CDH10: variants seen among roughly 807,000 people sequenced by gnomAD.
The protein encoded by CDH10 is cadherin-10.
In CDH10, 30 loss-of-function variants were observed where a neutral mutation model predicts 73.1. That is an observed-to-expected ratio of 0.41 (90% CI 0.31 to 0.56). The LOEUF is 0.56. Ranked by LOEUF, CDH10 falls within the 20% of genes least tolerant of loss-of-function variation. CDH10 has a pLI of 0.27. For synonymous variants in CDH10, 345 were observed against 348.2 expected (o/e 0.99, Z 0.10); for missense variants, 815 against 973.7 (o/e 0.84, Z 2.17).
intron 7 of CDH10, among the ~76,000 whole-genome samples, chr5:24,508,710 G>T (rs963101490): frequency 6.7e-6 from 1 of 148,740 alleles, no homozygotes; most frequent in Non-Finnish European, 1.5e-5. Context: ...ATAGAGACAG[G>T]GTCTCAGTAT....
intron 9 of CDH10, among the ~76,000 whole-genome samples, chr5:24,496,872 G>A (rs1406957036): frequency 6.6e-6 from 1 of 152,082 alleles, no homozygotes; most frequent in African/African-American, 2.4e-5. Flanking sequence ...TAGTTTAACC[G>A]AGGCATTTTT....
chr5:24,528,613 C>T (rs141684668), intron 5 of CDH10, among the ~76,000 whole-genome samples: 121 of 152,066 alleles, frequency 8.0e-4, no homozygotes, highest in African/African-American at 2.7e-3. Flanking sequence ...AGAGGTCAGT[C>T]GTGTTTGGTC....
intron 2 of CDH10, among the ~76,000 whole-genome samples, chr5:24,573,359 G>A (rs1443172387): frequency 6.6e-6 from 1 of 152,030 alleles, no homozygotes; most frequent in Non-Finnish European, 1.5e-5. Flanking sequence ...ATGAAGCAAT[G>A]AAGGGAGTTG....
At chr5:24,551,412 T>C (rs1744540016) in intron 2 of CDH10, among the ~76,000 whole-genome samples, 1 of 152,172 alleles carries the variant, frequency 6.6e-6, no homozygotes. Context: ...AAGTTTGAGG[T>C]ATTTTTTTAA....
rs1035102075 is a variant in CDH10 at position 24,540,890 on chromosome 5, C to T, written c.232-3216G>A. 4.0e-5 allele frequency among the ~76,000 whole-genome samples: 6 copies of T among 151,796 alleles called. No homozygotes were observed. In the East Asian group the frequency reaches 5.8e-4, roughly 15 times the overall value. On this transcript the variant is annotated intron_variant, in intron 2 of 11. Coordinates refer to ENST00000264463, the MANE Select transcript of CDH10 (RefSeq NM_006727.5). ...GATACATGGACAAGTAAAGAAACTA[C>T]AAGAGATATTCACTGTAATAATGAG... is the stretch of plus-strand genomic sequence containing the variant.
chr5:24,586,227 T>C (rs1745989064), intron 2 of CDH10, among the ~76,000 whole-genome samples: 1 of 152,196 alleles, frequency 6.6e-6, no homozygotes, highest in South Asian at 2.1e-4. Context: ...ATGTAATCTA[T>C]AAATGCATAG....
At chr5:24,626,035 C>A (rs988008893) in intron 1 of CDH10, among the ~76,000 whole-genome samples, 4 of 151,854 alleles carry the variant, frequency 2.6e-5, no homozygotes, top group Non-Finnish European at 4.4e-5. Context: ...TAAATTAAGC[C>A]TAAAAGCTTA....
At chr5:24,490,674 G>T (rs1401108896) in intron 11 of CDH10, among the ~76,000 whole-genome samples, 2 of 152,052 alleles carry the variant, frequency 1.3e-5, no homozygotes, top group African/African-American at 4.8e-5. Context: ...CATTTTTGTT[G>T]TTGTTGCAGG....
At chr5:24,571,900 A>G (rs1163838283) in intron 2 of CDH10, among the ~76,000 whole-genome samples, 3 of 151,956 alleles carry the variant, frequency 2.0e-5, no homozygotes, top group East Asian at 3.9e-4. Context: ...GGCTCTTGCA[A>G]GTAAGCATGA....
At chr5:24,508,745 C>T (rs1205328918) in intron 7 of CDH10, among the ~76,000 whole-genome samples, 1 of 151,300 alleles carries the variant, frequency 6.6e-6, no homozygotes, top group Non-Finnish European at 1.5e-5. Context: ...TTTCGAACCC[C>T]TGAGCTTAAG....
intron 1 of CDH10, among the ~76,000 whole-genome samples, chr5:24,628,413 T>C (rs188406244): frequency 1.6e-3 from 239 of 152,262 alleles, no homozygotes; most frequent in African/African-American, 5.5e-3. Flanking sequence ...TAATTCAATA[T>C]ACATATGAAT....
chr5:24,592,160 A>G (rs1186134769), intron 2 of CDH10, among the ~76,000 whole-genome samples: 5 of 151,838 alleles, frequency 3.3e-5, no homozygotes, highest in African/African-American at 1.2e-4. Context: ...ATATTTTAAA[A>G]GGTCTGAAAT....
In CDH10 at chr5:24,488,153, ACTTG is replaced by A; in HGVS notation, c.1877-4_1877-1del. The A allele has an allele frequency of 1.3e-6, 2 of 1,594,172 alleles. No individual in the cohort carries two copies. Among genetic ancestry groups the A allele is most frequent in the Admixed American group, 1.8e-5 (1 of 55,332 alleles). ...CAGAGCTGCAAACAGTACTACTATA[ACTTG>A]AAAAAAGACAAGAAGATACATTAGA... On this transcript the variant is annotated splice_acceptor_variant and splice_polypyrimidine_tract_variant and intron_variant, in intron 11 of 11. Transcript: ENST00000264463. LOFTEE classifies it high-confidence loss of function.
intron 7 of CDH10, among the ~76,000 whole-genome samples, chr5:24,508,838 TTC>T (rs1194291454): frequency 6.6e-6 from 1 of 152,172 alleles, no homozygotes; most frequent in Non-Finnish European, 1.5e-5. Flanking sequence ...ATTTTAAAAC[TTC>T]TCTCATTCAA....
chr5:24,616,725 G>A (rs1401812467), intron 1 of CDH10, among the ~76,000 whole-genome samples: 1 of 152,070 alleles, frequency 6.6e-6, no homozygotes, highest in East Asian at 1.9e-4. Context: ...ATAAGTAGGA[G>A]TATCAAATTC....
chr5:24,617,816 C>T (rs1747174598), intron 1 of CDH10, among the ~76,000 whole-genome samples: 1 of 152,188 alleles, frequency 6.6e-6, no homozygotes. Context: ...CACCTCCCCG[C>T]CTGATGCACT....
chr5:24,565,267 T>TA (rs1328956168), intron 2 of CDH10, among the ~76,000 whole-genome samples: 1 of 152,158 alleles, frequency 6.6e-6, no homozygotes, highest in Non-Finnish European at 1.5e-5. Flanking sequence ...GAAATCTATA[T>TA]TTTAAAAAAC....
intron 1 of CDH10, among the ~76,000 whole-genome samples, chr5:24,606,040 G>A (rs746720624): frequency 6.6e-6 from 1 of 152,198 alleles, no homozygotes. Context: ...GGATACAAGA[G>A]AGATCGGTGA....
chr5:24,568,469 G>C (rs1246301908), intron 2 of CDH10, among the ~76,000 whole-genome samples: 2 of 151,730 alleles, frequency 1.3e-5, no homozygotes, highest in Non-Finnish European at 2.9e-5. Context: ...CATAAGGATA[G>C]TTATTTCAAC....
Sources: gnomAD v4.1 joint callset for allele counts (sites outside exome capture counted in the v4.1 genomes callset) on GRCh38, gnomAD v4.1.1 for gene constraint, MANE v1.5 for transcripts, NCBI Gene and HGNC (gene_info 2026-07-23, HGNC 2026-07-21) for gene names.